Variants in MYO5A observed in about 807,000 individuals in gnomAD.
The protein encoded by MYO5A is myosin VA.
MYO5A carries 98 observed loss-of-function variants against 249.7 expected under a neutral mutation model. The observed-to-expected ratio is 0.39, with a 90% CI of 0.33 to 0.46. The LOEUF (loss-of-function observed/expected upper bound fraction) is 0.46. Among genes scored for constraint, MYO5A ranks in the 20% least tolerant of loss-of-function variants. The pLI, the probability that MYO5A is intolerant of heterozygous loss-of-function variation, is 0.98. For missense variants in MYO5A, 1,696 were observed against 2,308.8 expected (o/e 0.73, Z 5.44); for synonymous variants, 778 against 810.6 (o/e 0.96, Z 0.68).
rs538533920 is a variant in MYO5A, at chr15:52,494,962, C to T, written c.27+33818G>A. On this transcript the variant is annotated intron_variant, in intron 1 of 41. Coordinates refer to ENST00000399233, the MANE Select transcript of MYO5A (RefSeq NM_001382347.1). ...CAATAACATAATTCTCAACAATGTC[C>T]TATTGGCAAATTAATTTTCCTTCTA... Among the ~76,000 whole-genome samples, 6 of 152,248 alleles carry T rather than the reference C, an allele frequency of 3.9e-5. No homozygotes were observed. In the South Asian group the frequency reaches 1.0e-3, roughly 26 times the overall value.
rs144957444 is a variant in MYO5A, at chr15:52,354,671, C to T, written c.3424-657G>A. ...GAGTTCAAGACCAGCCTGACCAACA[C>T]GGTGAAACCCCATCTCTGCTAAAAA... On this transcript the variant is annotated intron_variant, in intron 25 of 41. Transcript: ENST00000399233. 5.5e-3 allele frequency among the ~76,000 whole-genome samples: 831 copies of T among 152,116 alleles called. 9 individuals are homozygous for T. The highest frequency in any genetic ancestry group is 0.019 in the African/African-American group (795 of 41,502).
chr15:52,507,081 A>G (rs891570379), intron 1 of MYO5A, among the ~76,000 whole-genome samples: 2 of 152,300 alleles, frequency 1.3e-5, no homozygotes, highest in African/African-American at 4.8e-5. Context: ...GTTATATCAC[A>G]TTAGCCAGAA....
chr15:52,528,963 G>A, upstream of MYO5A: 1 of 432,746 alleles, frequency 2.3e-6, no homozygotes, highest in East Asian at 1.2e-4. Context: ...GCGGGGCGGG[G>A]CGCCTCAGGC....
In MYO5A at chr15:52,482,012, A is replaced by C. The variant is rs534609202; in HGVS notation, c.27+46768T>G. 5.9e-5 allele frequency among the ~76,000 whole-genome samples: 9 copies of C among 152,298 alleles called. No homozygotes were observed. In the South Asian group the frequency reaches 1.7e-3, roughly 28 times the overall value. On this transcript the variant is annotated intron_variant, in intron 1 of 41. Coordinates refer to ENST00000399233, the MANE Select transcript of MYO5A (RefSeq NM_001382347.1). ...GATTCAGTCAGCAAGAACTTGGCTC[A>C]CTCAGCATGATAACTGGAGACTCAG...
intron 1 of MYO5A, among the ~76,000 whole-genome samples, chr15:52,455,447 C>T (rs568721578): frequency 2.4e-4 from 37 of 152,044 alleles, no homozygotes; most frequent in African/African-American, 7.7e-4. Flanking sequence ...GGAATAGTTC[C>T]GAACTCATTC....
intron 1 of MYO5A, among the ~76,000 whole-genome samples, chr15:52,503,807 C>G (rs1566862135): frequency 6.6e-6 from 1 of 152,112 alleles, no homozygotes; most frequent in Non-Finnish European, 1.5e-5. Flanking sequence ...TGTATTTTCT[C>G]ACTTCTAAGA....
intron 16 of MYO5A, among the ~76,000 whole-genome samples, chr15:52,380,715 C>G (rs1358992465): frequency 6.6e-6 from 1 of 152,148 alleles, no homozygotes; most frequent in Non-Finnish European, 1.5e-5. Flanking sequence ...TGCAGTGAGC[C>G]GAGACCACGC....
chr15:52,390,149 C>T (rs1697745836), intron 12 of MYO5A, among the ~76,000 whole-genome samples: 1 of 151,990 alleles, frequency 6.6e-6, no homozygotes, highest in African/African-American at 2.4e-5. Context: ...GGAAGGGTAG[C>T]AGGAGGTTGT....
At chr15:52,376,037 T>C (rs1197950719) in intron 19 of MYO5A, among the ~76,000 whole-genome samples, 2 of 152,250 alleles carry the variant, frequency 1.3e-5, no homozygotes, top group African/African-American at 2.4e-5. Flanking sequence ...AAGTCATTAT[T>C]ACCTAGCTCA....
At chr15:52,436,212 G>GAGCC in intron 1 of MYO5A, among the ~76,000 whole-genome samples, 1 of 152,248 alleles carries the variant, frequency 6.6e-6, no homozygotes, top group South Asian at 2.1e-4. Flanking sequence ...ATTACGGCGT[G>GAGCC]AGCCACCACA....
At chr15:52,520,732 A>G (rs1157115531) in intron 1 of MYO5A, among the ~76,000 whole-genome samples, 1 of 152,202 alleles carries the variant, frequency 6.6e-6, no homozygotes, top group African/African-American at 2.4e-5. Flanking sequence ...CTCATCCATA[A>G]ATTACCCAGA....
At chr15:52,406,487 G>C (rs2043009438) in intron 8 of MYO5A, among the ~76,000 whole-genome samples, 2 of 152,136 alleles carry the variant, frequency 1.3e-5, no homozygotes. Context: ...TGTTTCAGTA[G>C]GTCTGAGAAG....
chr15:52,512,112 G>A (rs572954280), intron 1 of MYO5A, among the ~76,000 whole-genome samples: 14 of 148,766 alleles, frequency 9.4e-5, no homozygotes, highest in East Asian at 3.9e-4. Flanking sequence ...GCAGTGAGCC[G>A]AGATTGCGCC....
chr15:52,489,231 G>A (rs2076885095), intron 1 of MYO5A, among the ~76,000 whole-genome samples: 1 of 152,156 alleles, frequency 6.6e-6, no homozygotes, highest in Non-Finnish European at 1.5e-5. Flanking sequence ...CTGACACCAG[G>A]AGCACAGGCA....
Position 52,370,168 on chromosome 15 carries a change from C to A in MYO5A, c.3066+1G>T. The A allele has an allele frequency of 1.2e-6, 2 of 1,613,992 alleles. No homozygotes were observed. The highest frequency in any genetic ancestry group is 1.7e-6 in the Non-Finnish European group (2 of 1,179,924). On this transcript the variant is annotated splice_donor_variant, in intron 22 of 41. Transcript: ENST00000399233. LOFTEE classifies it high-confidence loss of function. ...GATGGGGATATGGACATTATTCCTACCTGCTCTGTTTCTTGTTTGTATCGA... is the reference window on the plus strand; with the variant it reads ...GATGGGGATATGGACATTATTCCTAACTGCTCTGTTTCTTGTTTGTATCGA...
Position 52,312,118 on chromosome 15 carries a change from G to A in MYO5A, c.*1578C>T, listed in dbSNP as rs1286881459. The A allele has an allele frequency of 6.6e-6, 1 of 152,106 alleles. No homozygotes were observed. The highest frequency in any genetic ancestry group is 1.5e-5 in the Non-Finnish European group (1 of 68,022). 9.4% of individuals were successfully genotyped at this position (152,106 alleles called of 1,614,324 possible). A position where few individuals can be genotyped will look rare whatever the true frequency, so the allele number is the denominator to read the frequency against. Reference sequence around the variant, plus strand: ...TTCAGAATGAAAACTTACAGAATCTGGGTCTTAATGAACCAAATCCTCTGT... The same window carrying A: ...TTCAGAATGAAAACTTACAGAATCTAGGTCTTAATGAACCAAATCCTCTGT... On this transcript the variant is annotated 3_prime_UTR_variant, in exon 42 of 42. Transcript: ENST00000399233.
At chr15:52,388,827 C>T (rs2042083457) in intron 13 of MYO5A, among the ~76,000 whole-genome samples, 1 of 152,060 alleles carries the variant, frequency 6.6e-6, no homozygotes, top group African/African-American at 2.4e-5. Context: ...TATGTACATA[C>T]ACCATTTTTT....
At chr15:52,413,366 A>G (rs1041223783) in intron 5 of MYO5A, among the ~76,000 whole-genome samples, 3 of 152,134 alleles carry the variant, frequency 2.0e-5, no homozygotes, top group Admixed American at 1.3e-4. Flanking sequence ...ATTTCCAGGA[A>G]AAAATGAAAA....
chr15:52,414,164 T>C (rs1481530482), intron 5 of MYO5A, among the ~76,000 whole-genome samples: 1 of 152,134 alleles, frequency 6.6e-6, no homozygotes, highest in East Asian at 1.9e-4. Context: ...GAGTGGGTTG[T>C]TATGAAGTCG....
Sources: gnomAD v4.1 joint callset for allele counts (sites outside exome capture counted in the v4.1 genomes callset) on GRCh38, gnomAD v4.1.1 for gene constraint, MANE v1.5 for transcripts, NCBI Gene and HGNC (gene_info 2026-07-23, HGNC 2026-07-21) for gene names.